LY9: variants seen among roughly 807,000 people sequenced by gnomAD.
The protein encoded by LY9 is lymphocyte antigen 9.
LY9 carries 59 observed loss-of-function variants against 64.6 expected under a neutral mutation model. The observed-to-expected ratio is 0.91, with a 90% CI of 0.74 to 1.13. The LOEUF (loss-of-function observed/expected upper bound fraction) is 1.13, where lower values mean the gene tolerates loss of function less well. Ranked by LOEUF, LY9 falls within the 50% of genes most tolerant of loss-of-function variation. The pLI, the probability that LY9 is intolerant of heterozygous loss-of-function variation, is 0.00. For synonymous variants in LY9, 281 were observed against 308.5 expected, an observed-to-expected ratio of 0.91 and a Z score of 0.93; for missense variants, 789 against 797.2, an observed-to-expected ratio of 0.99 and a Z score of 0.12.
chr1:160,796,208 C>T lies in LY9; in HGVS notation c.21C>T (p.His7=). Residue 7 remains histidine, a synonymous_variant, in exon 1 of 10, where the codon CAC becomes CAT. Transcript: ENST00000263285. The part of the protein sequence containing the change: MVAPKS[H]TDDWAPGPFS... ...TCATCATGGTGGCACCAAAGAGTCA[C>T]ACAGATGACTGGGCTCCTGGGCCTT... is the stretch of plus-strand genomic sequence containing the variant. The T allele has an allele frequency of 6.2e-7, 1 of 1,614,126 alleles. No homozygotes were observed. Among genetic ancestry groups the T allele is most frequent in the South Asian group, 1.1e-5 (1 of 91,080 alleles).
At chr1:160,809,311 T>C (rs867936404) in intron 2 of LY9, among the ~76,000 whole-genome samples, 16 of 151,038 alleles carry the variant, frequency 1.1e-4, no homozygotes, top group African/African-American at 3.9e-4. Context: ...CTTGCCACCA[T>C]GCCCAGCTTT....
In LY9 at chr1:160,818,208, C is replaced by G; in HGVS notation, c.1343-10C>G. The G allele has an allele frequency of 6.3e-7, 1 of 1,588,518 alleles. No homozygotes were observed. Among genetic ancestry groups the G allele is most frequent in the Non-Finnish European group, 8.6e-7 (1 of 1,157,514 alleles). On this transcript the variant is annotated splice_polypyrimidine_tract_variant and intron_variant, in intron 5 of 9. Coordinates refer to ENST00000263285, the MANE Select transcript of LY9 (RefSeq NM_002348.4). ...TATTTGAATTAACATCACTCATTTC[C>G]TCCTCAAAGGACCTGAGAGAAACAC...
chr1:160,799,363 T>C (rs1666220230), intron 1 of LY9: 1 of 173,238 alleles, frequency 5.8e-6, no homozygotes, highest in South Asian at 1.6e-4. Flanking sequence ...TCATTGGCTC[T>C]TCACAATTTG....
intron 2 of LY9, among the ~76,000 whole-genome samples, chr1:160,805,568 T>C (rs1406575720): frequency 6.6e-6 from 1 of 152,208 alleles, no homozygotes. Context: ...ATGTATATTC[T>C]GCAACTGTTG....
At chr1:160,824,979 CAAAAAAA>C (rs60603957) in intron 9 of LY9, among the ~76,000 whole-genome samples, 47 of 59,442 alleles carry the variant, frequency 7.9e-4, no homozygotes, top group African/African-American at 2.5e-3. Flanking sequence ...GACTCCATCT[CAAAAAAA>C]AAAAAAAAAA....
At chr1:160,796,803 C>T (rs1238692201) in intron 1 of LY9, among the ~76,000 whole-genome samples, 1 of 152,172 alleles carries the variant, frequency 6.6e-6, no homozygotes, top group African/African-American at 2.4e-5. Context: ...TGGGCTCAAA[C>T]TACATTTCTC....
intron 2 of LY9, among the ~76,000 whole-genome samples, chr1:160,804,738 C>G (rs1666816443): frequency 6.6e-6 from 1 of 152,006 alleles, no homozygotes; most frequent in African/African-American, 2.4e-5. Context: ...TGTTGGGAGA[C>G]TTTTTTATTA....
intron 9 of LY9, among the ~76,000 whole-genome samples, chr1:160,826,330 G>A (rs1668850147): frequency 6.6e-6 from 1 of 152,100 alleles, no homozygotes; most frequent in Admixed American, 6.6e-5. Context: ...GGTAAAAGGG[G>A]AGGCAGGAGA....
At chr1:160,798,204 G>A (rs1347926404) in intron 1 of LY9, among the ~76,000 whole-genome samples, 1 of 152,042 alleles carries the variant, frequency 6.6e-6, no homozygotes, top group Admixed American at 6.5e-5. Context: ...AAAATTTGAA[G>A]TCAAAACGAG....
chr1:160,813,625 T>C lies in LY9; in HGVS notation c.455-11T>C, dbSNP rs757696264. 6.2e-7 allele frequency: 1 copy of C among 1,610,040 alleles called. No homozygotes were observed. The highest frequency in any genetic ancestry group is 1.1e-5 in the South Asian group (1 of 90,594). On this transcript the variant is annotated splice_polypyrimidine_tract_variant and intron_variant, in intron 2 of 9. Coordinates refer to ENST00000263285, the MANE Select transcript of LY9 (RefSeq NM_002348.4). ...GGATCTGAGCATCTTCCCATGCTGT[T>C]GTCCCTGCAGAGCAGCTGCAGGAGC...
At chr1:160,815,804 G>C (rs549335906) in intron 4 of LY9, among the ~76,000 whole-genome samples, 5 of 152,236 alleles carry the variant, frequency 3.3e-5, no homozygotes, top group Non-Finnish European at 7.3e-5. Flanking sequence ...CCTCCAAGAA[G>C]GTGGGCCACT....
intron 9 of LY9, 61 bp from the exon 10 acceptor site, chr1:160,827,687 A>C (rs1668931920): frequency 7.4e-7 from 1 of 1,348,430 alleles, no homozygotes; most frequent in Non-Finnish European, 1.0e-6. Context: ...TTCCTCTTTC[A>C]TCAGCCTCAC....
intron 7 of LY9, among the ~76,000 whole-genome samples, chr1:160,821,245 C>A (rs945297661): frequency 6.6e-6 from 1 of 151,580 alleles, no homozygotes; most frequent in Non-Finnish European, 1.5e-5. Flanking sequence ...GTCTCTCCCC[C>A]AAGAGACAAC....
chr1:160,825,461 C>T (rs1668800573), intron 9 of LY9, among the ~76,000 whole-genome samples: 2 of 152,116 alleles, frequency 1.3e-5, no homozygotes, highest in South Asian at 2.1e-4. Flanking sequence ...AACCATGAGG[C>T]GTTTTAAGAT....
Position 160,797,073 on chromosome 1 carries a change from T to C in LY9, c.124+762T>C, listed in dbSNP as rs886502099. ...ATGGGCAAGGTGGCGTTTATCTGGA[T>C]ATCCTTTTCTCCTCAACCTTATTCC... is the stretch of plus-strand genomic sequence containing the variant. On this transcript the variant is annotated intron_variant, in intron 1 of 9. Coordinates refer to ENST00000263285, the MANE Select transcript of LY9 (RefSeq NM_002348.4). 3.1e-6 allele frequency: 3 copies of C among 982,626 alleles called. No individual in the cohort carries two copies. In the African/African-American group the frequency reaches 5.2e-5, roughly 17 times the overall value. 60.9% of individuals were successfully genotyped at this position (982,626 alleles called of 1,614,324 possible). A position where few individuals can be genotyped will look rare whatever the true frequency, so the allele number is the denominator to read the frequency against.
In LY9 at chr1:160,813,463, G is replaced by T. The variant is rs563074860; in HGVS notation, c.455-173G>T. The T allele has an allele frequency of 4.9e-6, 3 of 614,636 alleles. No homozygotes were observed. The African/African-American group carries it at 5.5e-5, about 11-fold the overall frequency. 38.1% of individuals were successfully genotyped at this position (614,636 alleles called of 1,614,324 possible). On this transcript the variant is annotated intron_variant, in intron 2 of 9. Transcript: ENST00000263285. ...TGATAACACCTGTAGCGGATGTTATGGGAGTACAGAGGAGAGGCTGTCAAC... is the reference window on the plus strand; with the variant it reads ...TGATAACACCTGTAGCGGATGTTATTGGAGTACAGAGGAGAGGCTGTCAAC...
chr1:160,823,539 G>A lies in LY9; in HGVS notation c.1573G>A (p.Ala525Thr), dbSNP rs1237639009. 6.2e-7 allele frequency: 1 copy of A among 1,614,058 alleles called. No individual in the cohort carries two copies. Residue 525 changes from alanine (A) to threonine (T), a missense_variant, in exon 8 of 10, where the codon GCC becomes ACC. Transcript: ENST00000263285. The part of the protein sequence containing the change: ...YEKLDTPLRP[A>T]RQQPTPTSDS... The stretch of plus-strand genomic sequence containing the variant: ...GAAGCTGGACACTCCCCTCAGGCCT[G>A]CCAGGCAACAGCCTACACCCACCTC...
chr1:160,825,123 G>A (rs1376462412), intron 9 of LY9, among the ~76,000 whole-genome samples: 7 of 151,760 alleles, frequency 4.6e-5, no homozygotes, highest in South Asian at 2.1e-4. Flanking sequence ...TGGGAGGACC[G>A]CTTGAGCCGG....
In LY9 at chr1:160,824,244, C is replaced by T; in HGVS notation, c.1894C>T (p.Pro632Ser). The change falls in exon 9 of 10, where the codon CCT becomes TCT. Residue 632 changes from proline (P) to serine (S), a missense_variant. Pro to Ser is a moderately conservative substitution (Grantham distance 74). Coordinates refer to ENST00000263285, the MANE Select transcript of LY9 (RefSeq NM_002348.4). ...SATIYCSIRK[P>S]QVVPPPQQND... ...CACAATCTACTGCTCCATACGGAAA[C>T]CTCAGGTGGTGAGAACTACATTCTC... 1 of 1,614,182 alleles carries T rather than the reference C, an allele frequency of 6.2e-7. No homozygotes were observed. Among genetic ancestry groups the T allele is most frequent in the Non-Finnish European group, 8.5e-7 (1 of 1,180,020 alleles).
Sources: allele counts gnomAD v4.1 joint callset (sites outside exome capture counted in the v4.1 genomes callset), GRCh38; gene constraint gnomAD v4.1.1; transcripts MANE v1.5; gene names NCBI Gene and HGNC (gene_info 2026-07-23, HGNC 2026-07-21).